The following TOGARAM1 variants were observed in gnomAD, a reference collection of about 807,000 sequenced individuals.
TOGARAM1 encodes TOG array regulator of axonemal microtubules protein 1.
A neutral mutation model predicts 166.6 loss-of-function variants in TOGARAM1; 100 were observed. That is an observed-to-expected ratio of 0.60 (90% CI 0.51 to 0.71). The LOEUF is 0.71. Ranked by LOEUF, TOGARAM1 falls within the 30% of genes least tolerant of loss-of-function variation. The pLI is 0.00. For missense variants in TOGARAM1, 2,029 were observed against 2,102.7 expected, an observed-to-expected ratio of 0.96 and a Z score of 0.69; for synonymous variants, 758 against 763.8, an observed-to-expected ratio of 0.99 and a Z score of 0.13.
chr14:45,006,149 T>G lies in TOGARAM1; in HGVS notation c.2786T>G (p.Leu929Ter). The change falls in exon 5 of 20, where the codon TTA (leucine) becomes TGA (stop). Residue 929 changes from leucine (L) to a stop codon, truncating the protein, a stop_gained. Coordinates refer to ENST00000361462, the MANE Select transcript of TOGARAM1 (RefSeq NM_001308120.2). LOFTEE classifies it high-confidence loss of function. ...GISLLPDKAD[L>*]STVGHKKKEP... ...AGCCTTTTGCCTGATAAAGCTGATT[T>G]AAGCACAGTGGGACACAAAAAGAAA... The G allele has an allele frequency of 6.2e-7, 1 of 1,614,116 alleles. No individual in the cohort carries two copies. Among genetic ancestry groups the G allele is most frequent in the Non-Finnish European group, 8.5e-7 (1 of 1,179,992 alleles).
intron 6 of TOGARAM1, 189 bp from the exon 7 acceptor site, chr14:45,011,786 T>A (rs1256712916): frequency 6.6e-6 from 1 of 150,712 alleles, no homozygotes; most frequent in African/African-American, 6.4e-5. Flanking sequence ...AAAATATATA[T>A]GTGTGTGTGT....
chr14:44,988,890 G>A (rs1280895387), intron 1 of TOGARAM1, among the ~76,000 whole-genome samples: 1 of 152,224 alleles, frequency 6.6e-6, no homozygotes, highest in Admixed American at 6.5e-5. Context: ...AACCACGTGA[G>A]TGAACTTCAG....
rs780192371 is a variant in TOGARAM1, at chr14:45,066,744, CTTG to C, written c.4733_4735del (p.Val1578del). On this transcript the variant is annotated inframe_deletion, in exon 17 of 20. Coordinates refer to ENST00000361462, the MANE Select transcript of TOGARAM1 (RefSeq NM_001308120.2). ...ATCAGATACAGAAAATAATCAAGAC[CTTG>C]TTGTTGGAAACATTGTGAAGGTAAG... The C allele has an allele frequency of 6.2e-7, 1 of 1,612,344 alleles. No homozygotes were observed. Among genetic ancestry groups the C allele is most frequent in the African/African-American group, 1.3e-5 (1 of 74,840 alleles).
intron 11 of TOGARAM1, among the ~76,000 whole-genome samples, chr14:45,043,385 C>T (rs1881824678): frequency 6.6e-6 from 1 of 152,086 alleles, no homozygotes; most frequent in Non-Finnish European, 1.5e-5. Flanking sequence ...ACCATGTTGG[C>T]CTGGCTGGTC....
At position 45,066,664 on chromosome 14, in the gene TOGARAM1, GCT is replaced by G. The variant is rs1883150717; in HGVS notation, c.4647_4648del (p.Leu1550IlefsTer8). 3 of 1,613,882 alleles carry G rather than the reference GCT, an allele frequency of 1.9e-6. No individual in the cohort carries two copies. Among genetic ancestry groups the G allele is most frequent in the Non-Finnish European group, 2.5e-6 (3 of 1,179,824 alleles). On this transcript the variant is annotated frameshift_variant, in exon 17 of 20. Coordinates refer to ENST00000361462, the MANE Select transcript of TOGARAM1 (RefSeq NM_001308120.2). LOFTEE classifies it high-confidence loss of function. ...GCTGAGTACCTTAAACTCATAACTG[GCT>G]TATTAAATGCAAAAGACTTTCGTGA...
At chr14:45,062,233 T>C (rs1882930352) in intron 16 of TOGARAM1, among the ~76,000 whole-genome samples, 2 of 152,286 alleles carry the variant, frequency 1.3e-5, no homozygotes, top group Admixed American at 1.3e-4. Context: ...ACATCCCCAA[T>C]GTATTTGTGG....
intron 1 of TOGARAM1, among the ~76,000 whole-genome samples, chr14:44,993,177 A>G (rs1887237922): frequency 6.6e-6 from 1 of 151,994 alleles, no homozygotes; most frequent in South Asian, 2.1e-4. Flanking sequence ...AGTCCCAGCT[A>G]CTTGGGAGGC....
intron 16 of TOGARAM1, among the ~76,000 whole-genome samples, chr14:45,055,631 C>T (rs549841966): frequency 3.1e-4 from 47 of 151,786 alleles, no homozygotes; most frequent in African/African-American, 6.8e-4. Flanking sequence ...AGTGAAACCC[C>T]GTCTCTAGTA....
At chr14:45,028,391 G>T (rs1880982764) in intron 10 of TOGARAM1, 62 bp downstream of exon 10, 1 of 1,487,574 alleles carries the variant, frequency 6.7e-7, no homozygotes, top group South Asian at 1.3e-5. Flanking sequence ...CTGGTGAAAT[G>T]AGGTTTCACT....
chr14:44,993,271 A>T (rs1887242370), intron 1 of TOGARAM1, among the ~76,000 whole-genome samples: 1 of 151,282 alleles, frequency 6.6e-6, no homozygotes, highest in African/African-American at 2.5e-5. Context: ...TGAGCAACAG[A>T]GTGAGAACCT....
chr14:44,988,263 G>C (rs191137622), intron 1 of TOGARAM1, among the ~76,000 whole-genome samples: 1 of 151,896 alleles, frequency 6.6e-6, no homozygotes, highest in East Asian at 1.9e-4. Flanking sequence ...AAAAAAAATC[G>C]TAAAAGCTTT....
intron 7 of TOGARAM1, among the ~76,000 whole-genome samples, chr14:45,015,311 T>A (rs545252340): frequency 0.012 from 1,270 of 101,760 alleles, 12 homozygotes; most frequent in Non-Finnish European, 0.015. Flanking sequence ...TCTCAAAAAA[T>A]AAATAAATAA....
At chr14:45,030,442 G>A (rs540812504) in intron 10 of TOGARAM1, among the ~76,000 whole-genome samples, 1 of 152,212 alleles carries the variant, frequency 6.6e-6, no homozygotes, top group Non-Finnish European at 1.5e-5. Context: ...AAATTAGATA[G>A]TATGAATGAT....
At chr14:45,000,609 G>A (rs1467918506) in intron 3 of TOGARAM1, among the ~76,000 whole-genome samples, 2 of 152,124 alleles carry the variant, frequency 1.3e-5, no homozygotes, top group African/African-American at 2.4e-5. Context: ...TCTGCCGATG[G>A]ACACTTAGGT....
chr14:45,064,618 A>G (rs890683807), intron 16 of TOGARAM1, among the ~76,000 whole-genome samples: 2 of 151,954 alleles, frequency 1.3e-5, no homozygotes, highest in African/African-American at 2.4e-5. Context: ...CTACAAGCCC[A>G]TGCCACCCCT....
At chr14:45,059,313 G>A (rs930861516) in intron 16 of TOGARAM1, among the ~76,000 whole-genome samples, 1 of 152,104 alleles carries the variant, frequency 6.6e-6, no homozygotes, top group Non-Finnish European at 1.5e-5. Flanking sequence ...AAACTGCTGA[G>A]ATTACAAGCA....
intron 7 of TOGARAM1, among the ~76,000 whole-genome samples, chr14:45,022,747 G>A (rs1404383493): frequency 6.6e-6 from 1 of 151,940 alleles, no homozygotes; most frequent in Non-Finnish European, 1.5e-5. Context: ...TTCTAATGGA[G>A]GGTCCTGTCT....
chr14:45,035,285 G>A (rs137921627), intron 11 of TOGARAM1, among the ~76,000 whole-genome samples: 29 of 152,080 alleles, frequency 1.9e-4, no homozygotes, highest in Non-Finnish European at 3.4e-4. Context: ...GCTTAAACCC[G>A]GGAGGCGGAG....
chr14:45,057,432 A>T (rs189647840), intron 16 of TOGARAM1, among the ~76,000 whole-genome samples: 1,819 of 149,540 alleles, frequency 0.012, 21 homozygotes, highest in Non-Finnish European at 0.019. Context: ...TTTGTTGTTT[A>T]TTTTTTTTTA....
Sources: allele counts gnomAD v4.1 joint callset (sites outside exome capture counted in the v4.1 genomes callset), GRCh38; gene constraint gnomAD v4.1.1; transcripts MANE v1.5; gene names NCBI Gene and HGNC (gene_info 2026-07-23, HGNC 2026-07-21).